Variants in WIPF3 observed in about 807,000 individuals in gnomAD.
The protein encoded by WIPF3 is WAS/WASL interacting protein family member 3.
WIPF3 carries 33 observed loss-of-function variants against 38.9 expected under a neutral mutation model. The observed-to-expected ratio is 0.85, with a 90% CI of 0.64 to 1.14. WIPF3 has a LOEUF of 1.14. Among genes scored for constraint, WIPF3 ranks in the 50% most tolerant of loss-of-function variants. The probability of loss-of-function intolerance (pLI) is 0.00; values close to 1 mark genes in which losing one functional copy is unlikely to be tolerated. For synonymous variants in WIPF3, 324 were observed against 269.3 expected (o/e 1.20, Z -1.99); for missense variants, 711 against 652.5 (o/e 1.09, Z -0.98).
At chr7:29,809,937 G>C (rs1448764956) in intron 1 of WIPF3, among the ~76,000 whole-genome samples, 2 of 152,164 alleles carry the variant, frequency 1.3e-5, no homozygotes, top group Non-Finnish European at 2.9e-5. Flanking sequence ...GCATCCAGGA[G>C]AGAGTGCCAG....
intron 4 of WIPF3, among the ~76,000 whole-genome samples, chr7:29,881,141 G>A (rs1322862139): frequency 6.6e-6 from 1 of 152,062 alleles, no homozygotes; most frequent in African/African-American, 2.4e-5. Flanking sequence ...TGTCCGTGAG[G>A]TCTTCACTTA....
rs1785204755 is a variant in WIPF3, at chr7:29,857,537, C to G, written c.91-18293C>G. On this transcript the variant is annotated intron_variant, in intron 2 of 8. Coordinates refer to ENST00000242140, the MANE Select transcript of WIPF3 (RefSeq NM_001080529.3). The stretch of plus-strand genomic sequence containing the variant: ...TTTTGACAAAATAAACCAGAAAGCT[C>G]AGTGCAGGTGTCCACCAATTCAAGG... Among the ~76,000 whole-genome samples the G allele has an allele frequency of 2.0e-5, 3 of 151,782 alleles. No individual in the cohort carries two copies. In the South Asian group the frequency reaches 6.3e-4, roughly 32 times the overall value.
In WIPF3 at chr7:29,834,899, T is replaced by C; in HGVS notation, c.90+85T>C. 3.5e-6 allele frequency: 5 copies of C among 1,442,468 alleles called. No individual in the cohort carries two copies. In the South Asian group the frequency reaches 5.1e-5, roughly 15 times the overall value. The allele number at this position is 1,442,468 out of a possible 1,614,324, so 89.4% of individuals were successfully genotyped here. A position where few individuals can be genotyped will look rare whatever the true frequency, so the allele number is the denominator to read the frequency against. On this transcript the variant is annotated intron_variant, in intron 2 of 8. Transcript: ENST00000242140. ...GCAGAAGGTTTTAAATGTTCAGAAG[T>C]AGCACTGCCTAGCTTCCCTGTGGCA...
At position 29,867,789 on chromosome 7, in the gene WIPF3, A is replaced by T. The variant is rs545188974; in HGVS notation, c.91-8041A>T. Among the ~76,000 whole-genome samples, 4 of 152,316 alleles carry T rather than the reference A, an allele frequency of 2.6e-5. No homozygotes were observed. In the East Asian group the frequency reaches 7.7e-4, roughly 29 times the overall value. Reference sequence around the variant, plus strand: ...GACATTAGGATGAATCAGGGCTGAAATGTGACCTCAAAAAACAGCCACTTC... The same window carrying T: ...GACATTAGGATGAATCAGGGCTGAATTGTGACCTCAAAAAACAGCCACTTC... On this transcript the variant is annotated intron_variant, in intron 2 of 8. Coordinates refer to ENST00000242140, the MANE Select transcript of WIPF3 (RefSeq NM_001080529.3).
chr7:29,883,923 G>T lies in WIPF3; in HGVS notation c.429G>T (p.Pro143=), dbSNP rs770325764. Reference sequence around the variant, plus strand: ...TTCCCAACAAAACCATCAGCGGCCCGCTTATCCCGCCTGCCTCTCCCAGGC... The same window carrying T: ...TTCCCAACAAAACCATCAGCGGCCCTCTTATCCCGCCTGCCTCTCCCAGGC... ...PRLPNKTISG[P]LIPPASPRLG... is the part of the protein sequence containing the mutation. The change falls in exon 5 of 9, where the codon CCG becomes CCT. Residue 143 remains proline (P), a synonymous_variant. Coordinates refer to ENST00000242140, the MANE Select transcript of WIPF3 (RefSeq NM_001080529.3). 1.3e-6 allele frequency: 2 copies of T among 1,565,224 alleles called. No individual in the cohort carries two copies. The highest frequency in any genetic ancestry group is 1.7e-6 in the Non-Finnish European group (2 of 1,155,952).
intron 2 of WIPF3, among the ~76,000 whole-genome samples, chr7:29,864,444 C>T (rs570624695): frequency 1.3e-5 from 2 of 152,276 alleles, no homozygotes; most frequent in South Asian, 2.1e-4. Flanking sequence ...CTAAGGATAA[C>T]GTTTGCGTTC....
At chr7:29,883,759 G>A (rs1049257243) in intron 4 of WIPF3, 91 bp from the exon 5 acceptor site, 1 of 1,470,382 alleles carries the variant, frequency 6.8e-7, no homozygotes, top group Non-Finnish European at 9.0e-7. Context: ...AGCTCACTGC[G>A]GGCAGGCTTG....
intron 4 of WIPF3, among the ~76,000 whole-genome samples, chr7:29,879,902 G>A (rs1785681444): frequency 6.6e-6 from 1 of 152,186 alleles, no homozygotes; most frequent in African/African-American, 2.4e-5. Context: ...TAACTTGGAA[G>A]TCTAAGAAGT....
At position 29,837,351 on chromosome 7, in the gene WIPF3, G is replaced by A. The variant is rs771986870; in HGVS notation, c.90+2537G>A. Among the ~76,000 whole-genome samples the A allele has an allele frequency of 2.8e-4, 43 of 152,196 alleles. 1 individual carries two copies. Among genetic ancestry groups the A allele is most frequent in the African/African-American group, 5.8e-4 (24 of 41,518 alleles). The stretch of plus-strand genomic sequence containing the variant: ...AGCCTGGGCAACAGAGTGAGACTCC[G>A]TCTCAAAAAAACAAACAAACAAACA... On this transcript the variant is annotated intron_variant, in intron 2 of 8. Transcript: ENST00000242140.
At chr7:29,875,438 T>C (rs1785569812) in intron 2 of WIPF3, among the ~76,000 whole-genome samples, 1 of 152,074 alleles carries the variant, frequency 6.6e-6, no homozygotes, top group Non-Finnish European at 1.5e-5. Context: ...AGTCAAGGAT[T>C]TGGTCCAGGA....
At chr7:29,809,373 C>G (rs1344418699) in intron 1 of WIPF3, among the ~76,000 whole-genome samples, 1 of 152,202 alleles carries the variant, frequency 6.6e-6, no homozygotes, top group Non-Finnish European at 1.5e-5. Flanking sequence ...CATGGTTCTG[C>G]ATCACAAAGT....
intron 1 of WIPF3, among the ~76,000 whole-genome samples, chr7:29,822,158 T>C (rs74534837): frequency 0.013 from 1,874 of 142,684 alleles, 53 homozygotes; most frequent in East Asian, 0.09. Context: ...ATAGATCTTA[T>C]ACTGGTTCTC....
At chr7:29,888,047 C>T (rs758056884) in intron 5 of WIPF3, 21 bp from the exon 6 acceptor site, 27 of 1,613,550 alleles carry the variant, frequency 1.7e-5, no homozygotes, top group African/African-American at 4.0e-5. Context: ...TTTCTGAGTA[C>T]ACCATCATCT....
chr7:29,826,422 C>T (rs1007064330), intron 1 of WIPF3, among the ~76,000 whole-genome samples: 1 of 152,196 alleles, frequency 6.6e-6, no homozygotes, highest in African/African-American at 2.4e-5. Context: ...GTGACTCACC[C>T]TCCACTGGAG....
chr7:29,871,084 C>T (rs1785488410), intron 2 of WIPF3, among the ~76,000 whole-genome samples: 3 of 152,136 alleles, frequency 2.0e-5, no homozygotes, highest in African/African-American at 4.8e-5. Context: ...TCTCAATGTA[C>T]CTCATTCTAG....
At chr7:29,853,756 T>G (rs947995181) in intron 2 of WIPF3, among the ~76,000 whole-genome samples, 1 of 152,244 alleles carries the variant, frequency 6.6e-6, no homozygotes, top group Non-Finnish European at 1.5e-5. Flanking sequence ...AAATACTACC[T>G]ATCTCATTAT....
chr7:29,851,877 A>G (rs1013226496), intron 2 of WIPF3, among the ~76,000 whole-genome samples: 8 of 152,222 alleles, frequency 5.3e-5, no homozygotes, highest in Non-Finnish European at 8.8e-5. Context: ...TGAGCGTGCT[A>G]TTGATTTTCT....
At chr7:29,828,721 C>T (rs1047088310) in intron 1 of WIPF3, among the ~76,000 whole-genome samples, 1 of 152,164 alleles carries the variant, frequency 6.6e-6, no homozygotes, top group Non-Finnish European at 1.5e-5. Flanking sequence ...GCTCTTTCAC[C>T]TGTTATTTAG....
chr7:29,836,267 C>T (rs570603703), intron 2 of WIPF3, among the ~76,000 whole-genome samples: 1 of 152,298 alleles, frequency 6.6e-6, no homozygotes, highest in African/African-American at 2.4e-5. Flanking sequence ...ATCTTGCAAG[C>T]ACTGAAGAAG....
Sources: gnomAD v4.1 joint callset for allele counts (sites outside exome capture counted in the v4.1 genomes callset) on GRCh38, gnomAD v4.1.1 for gene constraint, MANE v1.5 for transcripts, NCBI Gene and HGNC (gene_info 2026-07-23, HGNC 2026-07-21) for gene names.